VPS54: variants seen among roughly 807,000 people sequenced by gnomAD.
VPS54 encodes the protein vacuolar protein sorting-associated protein 54.
VPS54 carries 45 observed loss-of-function variants against 121.5 expected under a neutral mutation model. The observed-to-expected ratio is 0.37, with a 90% confidence interval of 0.29 to 0.47. VPS54 has a LOEUF of 0.47. VPS54 is among the 20% of genes least tolerant of loss of function. The pLI, the probability that VPS54 is intolerant of heterozygous loss-of-function variation, is 0.99. For missense variants in VPS54, 1,090 were observed against 1,131.4 expected (o/e 0.96, Z 0.52); for synonymous variants, 371 against 385.8 (o/e 0.96, Z 0.45).
chr2:64,000,935 C>T (rs1284906104), intron 1 of VPS54, among the ~76,000 whole-genome samples: 1 of 152,236 alleles, frequency 6.6e-6, no homozygotes, highest in African/African-American at 2.4e-5. Context: ...GTGGCAAAGC[C>T]AGCCCAGCTT....
chr2:64,008,328 C>A (rs1208800261), intron 1 of VPS54, among the ~76,000 whole-genome samples: 1 of 151,578 alleles, frequency 6.6e-6, no homozygotes, highest in Non-Finnish European at 1.5e-5. Flanking sequence ...GCACAAGAAT[C>A]GCTTGGACCT....
intron 9 of VPS54, among the ~76,000 whole-genome samples, chr2:63,946,865 A>G (rs1461730540): frequency 1.3e-5 from 2 of 152,078 alleles, no homozygotes; most frequent in Non-Finnish European, 2.9e-5. Flanking sequence ...AATAACTTAA[A>G]AATACTTTTC....
At chr2:63,976,170 C>T (rs144780304) in intron 3 of VPS54, among the ~76,000 whole-genome samples, 7 of 151,976 alleles carry the variant, frequency 4.6e-5, no homozygotes, top group East Asian at 1.9e-4. Flanking sequence ...GGCAAAACCC[C>T]GTCACTACAA....
At chr2:63,944,485 C>A (rs914558027) in intron 10 of VPS54, 115 bp downstream of exon 10, 3 of 988,696 alleles carry the variant, frequency 3.0e-6, no homozygotes, top group African/African-American at 1.6e-5. Flanking sequence ...TTTTCCTACA[C>A]CCTGCTCACA....
chr2:63,949,018 CCA>C lies in VPS54; in HGVS notation c.1137+17_1137+18del, dbSNP rs750633120. 11 of 1,606,436 alleles carry C rather than the reference CCA, an allele frequency of 6.8e-6. No individual in the cohort carries two copies. The highest frequency in any genetic ancestry group is 9.3e-6 in the Non-Finnish European group (11 of 1,177,676). On this transcript the variant is annotated intron_variant, in intron 8 of 22. Transcript: ENST00000272322. ...GTTAAGCAATGGCATCAACTTCATT[CCA>C]CAGTTAAAACACATACCTCTTCTAA...
intron 20 of VPS54, among the ~76,000 whole-genome samples, chr2:63,901,451 G>T (rs1361672975): frequency 6.6e-6 from 1 of 152,212 alleles, no homozygotes; most frequent in Non-Finnish European, 1.5e-5. Context: ...CTAGCCATAA[G>T]GAGAGTCTGC....
Position 63,919,935 on chromosome 2 carries a change from A to C in VPS54, c.2112T>G (p.Leu704=). The change falls in exon 15 of 23, where the codon CTT becomes CTG. Residue 704 remains leucine (L), a synonymous_variant. Coordinates refer to ENST00000272322, the MANE Select transcript of VPS54 (RefSeq NM_016516.3). ...TCTTCCCATCTGACAGAGAATCAAC[A>C]AGATCCTGAAATTCTGCAGGAACAT... The part of the protein sequence containing the change: ...QADVPAEFQD[L]VDSLSDGKIA... The C allele has an allele frequency of 6.2e-7, 1 of 1,612,396 alleles. No homozygotes were observed. The highest frequency in any genetic ancestry group is 8.5e-7 in the Non-Finnish European group (1 of 1,178,848).
intron 1 of VPS54, among the ~76,000 whole-genome samples, chr2:63,985,133 G>A (rs539823833): frequency 5.9e-5 from 9 of 152,132 alleles, no homozygotes; most frequent in Admixed American, 2.0e-4. Context: ...CAGCCTGAAC[G>A]ACATGATGAA....
chr2:63,951,355 T>G (rs1374559667), intron 7 of VPS54, among the ~76,000 whole-genome samples: 1 of 152,082 alleles, frequency 6.6e-6, no homozygotes, highest in South Asian at 2.1e-4. Flanking sequence ...GTGAACTTAG[T>G]ATGGGTCCCA....
At chr2:63,899,349 T>TA (rs1672577999) in intron 21 of VPS54, 125 bp downstream of exon 21, 7 of 784,696 alleles carry the variant, frequency 8.9e-6, no homozygotes, top group Middle Eastern at 3.1e-4. Context: ...TATAACAATG[T>TA]AAAAAAATGA....
chr2:63,918,090 G>A (rs1673471765), intron 15 of VPS54, among the ~76,000 whole-genome samples: 1 of 151,894 alleles, frequency 6.6e-6, no homozygotes, highest in Admixed American at 6.6e-5. Flanking sequence ...AATAATCCAG[G>A]ATCCTTAACT....
At chr2:63,923,477 T>C (rs750384724) in intron 12 of VPS54, among the ~76,000 whole-genome samples, 19 of 152,100 alleles carry the variant, frequency 1.2e-4, no homozygotes, top group Non-Finnish European at 2.6e-4. Flanking sequence ...CTCAAGTTCA[T>C]AACAGCACTA....
At chr2:64,008,001 T>C (rs1259065891) in intron 1 of VPS54, among the ~76,000 whole-genome samples, 1 of 150,736 alleles carries the variant, frequency 6.6e-6, no homozygotes, top group African/African-American at 2.5e-5. Context: ...AACATCTCTT[T>C]GGTGGTAAAA....
chr2:63,944,681 A>C (rs778591255), intron 9 of VPS54, 26 bp from the exon 10 acceptor site: 2 of 1,571,096 alleles, frequency 1.3e-6, no homozygotes. Flanking sequence ...AAAAACAAAA[A>C]CAATTTGATT....
Position 63,983,412 on chromosome 2 carries a change from C to T in VPS54, c.136+452G>A, listed in dbSNP as rs1676887232. 2.0e-5 allele frequency among the ~76,000 whole-genome samples: 3 copies of T among 148,982 alleles called. No individual in the cohort carries two copies. In the Admixed American group the frequency reaches 2.0e-4, roughly 10 times the overall value. On this transcript the variant is annotated intron_variant, in intron 2 of 22. Transcript: ENST00000272322. ...TTGGCCTCCCAAAGTGCTGGGATTA[C>T]AGGCGTGAGCCACCACGCCGGGCCC... is the stretch of plus-strand genomic sequence containing the variant.
At chr2:63,974,050 C>T (rs140194913) in intron 3 of VPS54, among the ~76,000 whole-genome samples, 1 of 152,302 alleles carries the variant, frequency 6.6e-6, no homozygotes, top group Non-Finnish European at 1.5e-5. Flanking sequence ...AGATTTTCTC[C>T]TATGTTATCA....
At chr2:63,933,224 T>A (rs1428410059) in intron 12 of VPS54, among the ~76,000 whole-genome samples, 1 of 152,188 alleles carries the variant, frequency 6.6e-6, no homozygotes, top group Non-Finnish European at 1.5e-5. Flanking sequence ...ATGTGATCCA[T>A]TTGGAAATTC....
chr2:63,978,297 T>C (rs114393530), intron 3 of VPS54, among the ~76,000 whole-genome samples: 98 of 152,328 alleles, frequency 6.4e-4, no homozygotes, highest in African/African-American at 2.3e-3. Context: ...CAGCGGTATA[T>C]GAGAGTTCCA....
At chr2:64,009,442 A>G (rs1482325029) in intron 1 of VPS54, among the ~76,000 whole-genome samples, 2 of 152,034 alleles carry the variant, frequency 1.3e-5, no homozygotes, top group African/African-American at 4.8e-5. Flanking sequence ...CAGCCTCCTG[A>G]GTAGCTAAGA....
Sources: allele counts gnomAD v4.1 joint callset (sites outside exome capture counted in the v4.1 genomes callset), GRCh38; gene constraint gnomAD v4.1.1; transcripts MANE v1.5; gene names NCBI Gene and HGNC (gene_info 2026-07-23, HGNC 2026-07-21).